The following DLGAP1 variants were observed in gnomAD, a reference collection of about 807,000 sequenced individuals.
The protein encoded by DLGAP1 is DLG associated protein 1.
Under a neutral mutation model 90.8 loss-of-function variants are expected in DLGAP1, and 11 were observed. The ratio of observed to expected loss-of-function variants is 0.12; its 90% CI spans 0.08 to 0.20. The LOEUF (loss-of-function observed/expected upper bound fraction) is 0.20, where lower values mean the gene tolerates loss of function less well. Among genes scored for constraint, DLGAP1 ranks in the 10% least tolerant of loss-of-function variants. The probability of loss-of-function intolerance (pLI) is 1.00; values close to 1 mark genes in which losing one functional copy is unlikely to be tolerated. For missense variants in DLGAP1, 1,050 were observed against 1,333.8 expected (o/e 0.79, Z 3.31); for synonymous variants, 558 against 540.7 (o/e 1.03, Z -0.44).
At chr18:4,252,965 C>T (rs1195410951) in intron 1 of DLGAP1, among the ~76,000 whole-genome samples, 2 of 152,158 alleles carry the variant, frequency 1.3e-5, no homozygotes, top group East Asian at 1.9e-4. Flanking sequence ...ATTTAAAGTA[C>T]CATATCAGCT....
chr18:4,220,158 A>G (rs1009286228), intron 1 of DLGAP1, among the ~76,000 whole-genome samples: 1 of 152,054 alleles, frequency 6.6e-6, no homozygotes. Context: ...TTTTTCATCA[A>G]TGCTCTATAG....
chr18:4,092,747 G>C (rs2075789792), intron 2 of DLGAP1, among the ~76,000 whole-genome samples: 1 of 152,070 alleles, frequency 6.6e-6, no homozygotes, highest in Non-Finnish European at 1.5e-5. Flanking sequence ...ACCACCTAGA[G>C]AGGCTCTGTC....
intron 5 of DLGAP1, among the ~76,000 whole-genome samples, chr18:3,761,152 C>T (rs1217537352): frequency 1.3e-5 from 2 of 152,194 alleles, no homozygotes; most frequent in African/African-American, 4.8e-5. Context: ...AGGATAGTCA[C>T]ATTTTTGTGC....
chr18:4,178,905 A>C (rs887835061), intron 1 of DLGAP1, among the ~76,000 whole-genome samples: 2 of 152,186 alleles, frequency 1.3e-5, no homozygotes, highest in African/African-American at 4.8e-5. Context: ...ATGATTACAT[A>C]TATGATGCTA....
At chr18:4,374,253 C>CA (rs2081973883) in intron 1 of DLGAP1, among the ~76,000 whole-genome samples, 1 of 152,048 alleles carries the variant, frequency 6.6e-6, no homozygotes. Flanking sequence ...TAAGAAAACA[C>CA]AAACACACAA....
At chr18:3,741,841 C>CT (rs374274361) in intron 6 of DLGAP1, among the ~76,000 whole-genome samples, 55,792 of 146,932 alleles carry the variant, frequency 0.38, 10,733 homozygotes, top group Middle Eastern at 0.53. Context: ...TTTTCTTTTT[C>CT]TTTTTCTTTT....
At chr18:3,947,392 C>T (rs1390634461) in intron 3 of DLGAP1, among the ~76,000 whole-genome samples, 1 of 152,146 alleles carries the variant, frequency 6.6e-6, no homozygotes, top group Non-Finnish European at 1.5e-5. Flanking sequence ...TGGTAGATGT[C>T]TACCTCTCCC....
chr18:4,389,319 A>G (rs472807), intron 1 of DLGAP1, among the ~76,000 whole-genome samples: 137,734 of 151,884 alleles, frequency 0.91, 62,828 homozygotes, highest in East Asian at 1. Context: ...TCAAATTCAC[A>G]GCAAGAGAAA....
At chr18:3,781,521 T>G (rs1187758524) in intron 5 of DLGAP1, among the ~76,000 whole-genome samples, 1 of 151,828 alleles carries the variant, frequency 6.6e-6, no homozygotes, top group African/African-American at 2.4e-5. Context: ...CCGGCTAATT[T>G]TTTTTGTATT....
intron 1 of DLGAP1, among the ~76,000 whole-genome samples, chr18:4,395,367 TAATC>T (rs1310578648): frequency 7.6e-6 from 1 of 131,024 alleles, no homozygotes; most frequent in Non-Finnish European, 1.8e-5. Flanking sequence ...AAGATAAACT[TAATC>T]AAAATCAAAT....
At chr18:3,854,283 C>T (rs2069505398) in intron 4 of DLGAP1, among the ~76,000 whole-genome samples, 1 of 152,066 alleles carries the variant, frequency 6.6e-6, no homozygotes, top group African/African-American at 2.4e-5. Context: ...TTCTTTCTAG[C>T]CCTATTCTGA....
At chr18:3,933,426 G>A (rs8083353) in intron 3 of DLGAP1, among the ~76,000 whole-genome samples, 96,489 of 152,150 alleles carry the variant, frequency 0.63, 30,809 homozygotes, top group Non-Finnish European at 0.68. Context: ...TCTGCTAAGG[G>A]GTTCAAAGGG....
At chr18:3,817,074 T>C (rs992108497) in intron 4 of DLGAP1, among the ~76,000 whole-genome samples, 6 of 151,370 alleles carry the variant, frequency 4.0e-5, no homozygotes, top group Non-Finnish European at 8.8e-5. Flanking sequence ...CAGAGCCTCA[T>C]TATAGGTTTA....
At chr18:3,577,372 A>G (rs1306891392) in intron 8 of DLGAP1, among the ~76,000 whole-genome samples, 1 of 152,170 alleles carries the variant, frequency 6.6e-6, no homozygotes, top group African/African-American at 2.4e-5. Context: ...TTTGTGTATT[A>G]AACTGTCTCT....
chr18:3,834,376 A>G (rs1461047612), intron 4 of DLGAP1, among the ~76,000 whole-genome samples: 2 of 151,856 alleles, frequency 1.3e-5, no homozygotes, highest in Admixed American at 1.3e-4. Context: ...TGTAAAAGCA[A>G]AATGCATGGT....
chr18:3,795,108 G>A (rs906564744), intron 5 of DLGAP1, among the ~76,000 whole-genome samples: 4 of 152,110 alleles, frequency 2.6e-5, no homozygotes, highest in African/African-American at 7.2e-5. Context: ...GTAAGACTCC[G>A]TGGACATATA....
intron 1 of DLGAP1, among the ~76,000 whole-genome samples, chr18:4,279,508 C>G (rs879282446): frequency 6.6e-6 from 1 of 152,150 alleles, no homozygotes; most frequent in Non-Finnish European, 1.5e-5. Context: ...TTGACTGAAT[C>G]TTGGTGCTGG....
chr18:4,258,101 T>C (rs1052039857), intron 1 of DLGAP1, among the ~76,000 whole-genome samples: 15 of 151,998 alleles, frequency 9.9e-5, no homozygotes, highest in Admixed American at 3.9e-4. Flanking sequence ...TCACCCAGGC[T>C]GGAGTGCAGT....
intron 3 of DLGAP1, among the ~76,000 whole-genome samples, chr18:3,914,190 A>T (rs1279914835): frequency 6.6e-6 from 1 of 152,156 alleles, no homozygotes; most frequent in Non-Finnish European, 1.5e-5. Flanking sequence ...AACTTTGTAT[A>T]CTTTCTGAAC....
Sources: allele counts gnomAD v4.1 joint callset (sites outside exome capture counted in the v4.1 genomes callset), GRCh38; gene constraint gnomAD v4.1.1; transcripts MANE v1.5; gene names NCBI Gene and HGNC (gene_info 2026-07-23, HGNC 2026-07-21).